The following STK39 variants were observed in gnomAD, a reference collection of about 807,000 sequenced individuals.
STK39 encodes serine/threonine kinase 39, also known as STE20/SPS1-related proline-alanine-rich protein kinase.
Under a neutral mutation model 77.8 loss-of-function variants are expected in STK39, and 20 were observed. The observed-to-expected ratio is 0.26, with a 90% CI of 0.18 to 0.37. The LOEUF (loss-of-function observed/expected upper bound fraction) is 0.37, where lower values mean the gene tolerates loss of function less well. Among genes scored for constraint, STK39 ranks in the 10% least tolerant of loss-of-function variants. The pLI is 1.00. For synonymous variants in STK39, 246 were observed against 234.1 expected (o/e 1.05, Z -0.47); for missense variants, 479 against 656.5 (o/e 0.73, Z 2.95).
At chr2:168,010,013 C>A (rs1684230793) in intron 16 of STK39, among the ~76,000 whole-genome samples, 1 of 152,206 alleles carries the variant, frequency 6.6e-6, no homozygotes, top group African/African-American at 2.4e-5. Flanking sequence ...GACTGTAGGT[C>A]TGAAGCAAGG....
rs1341224018 is a variant in STK39, at chr2:168,078,476, C to T, written c.1090-3245G>A. Among the ~76,000 whole-genome samples, 3 of 152,248 alleles carry T rather than the reference C, an allele frequency of 2.0e-5. No individual in the cohort carries two copies. In the East Asian group the frequency reaches 5.8e-4, roughly 29 times the overall value. On this transcript the variant is annotated intron_variant, in intron 10 of 17. Transcript: ENST00000355999. ...GACCTGTCACTCCAGTGCTGCATCTCTAAACAGGAGCTGTCTGCAAATCTG... is the reference window on the plus strand; with the variant it reads ...GACCTGTCACTCCAGTGCTGCATCTTTAAACAGGAGCTGTCTGCAAATCTG...
intron 5 of STK39, among the ~76,000 whole-genome samples, chr2:168,143,911 G>A (rs958429103): frequency 5.3e-5 from 8 of 152,240 alleles, no homozygotes; most frequent in East Asian, 1.9e-4. Context: ...ATGCTTTGTC[G>A]TCTAGGTACA....
At chr2:168,166,036 A>G (rs1234846814) in intron 3 of STK39, among the ~76,000 whole-genome samples, 4 of 152,190 alleles carry the variant, frequency 2.6e-5, no homozygotes, top group African/African-American at 9.7e-5. Context: ...TTCAGTGCCC[A>G]TGTCTGCAAA....
chr2:168,157,917 A>G (rs1688475784), intron 5 of STK39, among the ~76,000 whole-genome samples: 1 of 152,214 alleles, frequency 6.6e-6, no homozygotes. Flanking sequence ...CATCAAGAGT[A>G]GCCACTATTT....
At chr2:168,124,807 G>A (rs1559108986) in intron 10 of STK39, among the ~76,000 whole-genome samples, 1 of 152,068 alleles carries the variant, frequency 6.6e-6, no homozygotes. Flanking sequence ...CAATTCTGAG[G>A]GTTAAATGTT....
chr2:168,126,547 C>T (rs1687547121), intron 10 of STK39, among the ~76,000 whole-genome samples: 1 of 152,184 alleles, frequency 6.6e-6, no homozygotes, highest in South Asian at 2.1e-4. Context: ...GAATCACAAG[C>T]CAGAGCGGGG....
chr2:168,011,730 T>C (rs1318928415), intron 16 of STK39, among the ~76,000 whole-genome samples: 4 of 152,186 alleles, frequency 2.6e-5, no homozygotes, highest in Admixed American at 6.5e-5. Context: ...TCCGTGCAGC[T>C]ATCTTATGAT....
At chr2:167,985,673 G>A (rs1470041789) in intron 16 of STK39, among the ~76,000 whole-genome samples, 2 of 151,724 alleles carry the variant, frequency 1.3e-5, no homozygotes, top group African/African-American at 4.9e-5. Context: ...GGGAAAAGTG[G>A]CCATTTATAT....
intron 16 of STK39, among the ~76,000 whole-genome samples, 153 bp from the exon 17 acceptor site, chr2:167,964,879 ACT>A (rs1692104348): frequency 6.6e-6 from 1 of 152,236 alleles, no homozygotes; most frequent in African/African-American, 2.4e-5. Flanking sequence ...TGACCAAATT[ACT>A]CTCATACAGA....
chr2:167,959,743 C>T (rs567098231), intron 17 of STK39, among the ~76,000 whole-genome samples: 7 of 152,262 alleles, frequency 4.6e-5, no homozygotes, highest in African/African-American at 1.7e-4. Flanking sequence ...GGAAAATTCT[C>T]AAGTGAAATT....
chr2:168,145,176 C>T (rs1287035694), intron 5 of STK39, among the ~76,000 whole-genome samples: 1 of 152,036 alleles, frequency 6.6e-6, no homozygotes, highest in Non-Finnish European at 1.5e-5. Flanking sequence ...AAATTCCAGA[C>T]AAAGAAACGG....
At chr2:168,235,326 G>A (rs892192996) in intron 1 of STK39, among the ~76,000 whole-genome samples, 2 of 152,060 alleles carry the variant, frequency 1.3e-5, no homozygotes, top group African/African-American at 4.8e-5. Flanking sequence ...GCGTCCCTGA[G>A]CCACCACGGC....
At chr2:168,113,807 T>C (rs946762440) in intron 10 of STK39, among the ~76,000 whole-genome samples, 4 of 152,292 alleles carry the variant, frequency 2.6e-5, no homozygotes, top group Non-Finnish European at 5.9e-5. Context: ...TCAGAACCAC[T>C]GAACTAGGCA....
intron 14 of STK39, among the ~76,000 whole-genome samples, chr2:168,055,890 G>T (rs901412015): frequency 1.3e-5 from 2 of 152,066 alleles, no homozygotes; most frequent in Non-Finnish European, 2.9e-5. Context: ...TAAATTACAA[G>T]GTGGCCCACT....
At chr2:168,199,128 A>G (rs1052608483) in intron 1 of STK39, among the ~76,000 whole-genome samples, 6 of 152,188 alleles carry the variant, frequency 3.9e-5, no homozygotes, top group Admixed American at 6.5e-5. Flanking sequence ...GAAAAATCCT[A>G]TATTCCTTAT....
intron 10 of STK39, among the ~76,000 whole-genome samples, chr2:168,106,090 G>T (rs1202185825): frequency 6.6e-6 from 1 of 152,188 alleles, no homozygotes; most frequent in Non-Finnish European, 1.5e-5. Flanking sequence ...AGCCTCCTGA[G>T]TAGCTGGGAC....
intron 16 of STK39, among the ~76,000 whole-genome samples, chr2:167,969,438 G>A (rs536484687): frequency 1.1e-4 from 16 of 152,052 alleles, no homozygotes; most frequent in Non-Finnish European, 1.8e-4. Context: ...TCGGCCAACC[G>A]CTCCAGCTTA....
At chr2:168,212,318 T>C (rs1689910804) in intron 1 of STK39, among the ~76,000 whole-genome samples, 1 of 152,244 alleles carries the variant, frequency 6.6e-6, no homozygotes, top group African/African-American at 2.4e-5. Context: ...TTCCTCCCCA[T>C]CTCACCTGCA....
At chr2:168,126,726 T>C (rs984567919) in intron 10 of STK39, among the ~76,000 whole-genome samples, 2 of 152,186 alleles carry the variant, frequency 1.3e-5, no homozygotes, top group Non-Finnish European at 2.9e-5. Flanking sequence ...AAATGAGCCA[T>C]GATCGATGCT....
Sources: gnomAD v4.1 joint callset for allele counts (sites outside exome capture counted in the v4.1 genomes callset) on GRCh38, gnomAD v4.1.1 for gene constraint, MANE v1.5 for transcripts, NCBI Gene and HGNC (gene_info 2026-07-23, HGNC 2026-07-21) for gene names.